FNBP1L: variants seen among roughly 807,000 people sequenced by gnomAD.
FNBP1L encodes the protein formin binding protein 1 like.
FNBP1L carries 36 observed loss-of-function variants against 91.2 expected under a neutral mutation model. The ratio of observed to expected loss-of-function variants is 0.39; its 90% CI spans 0.30 to 0.52. The LOEUF (loss-of-function observed/expected upper bound fraction) is 0.52. FNBP1L is among the 20% of genes least tolerant of loss of function. FNBP1L has a pLI of 0.66. For missense variants in FNBP1L, 571 were observed against 732.1 expected, an observed-to-expected ratio of 0.78 and a Z score of 2.54; for synonymous variants, 242 against 237.0, an observed-to-expected ratio of 1.02 and a Z score of -0.19.
intron 7 of FNBP1L, among the ~76,000 whole-genome samples, chr1:93,531,288 C>A (rs1671670635): frequency 6.6e-6 from 1 of 152,148 alleles, no homozygotes; most frequent in African/African-American, 2.4e-5. Context: ...TATTTGCTAG[C>A]ATGGTTTTTG....
At chr1:93,455,130 A>C (rs1054333994) in intron 1 of FNBP1L, among the ~76,000 whole-genome samples, 1 of 152,032 alleles carries the variant, frequency 6.6e-6, no homozygotes, top group Non-Finnish European at 1.5e-5. Flanking sequence ...GGATTTCCCC[A>C]TGTTATCCAG....
Position 93,547,403 on chromosome 1 carries a change from C to T in FNBP1L, c.1464C>T (p.Ser488=). 3 of 1,561,396 alleles carry T rather than the reference C, an allele frequency of 1.9e-6. No homozygotes were observed. Among genetic ancestry groups the T allele is most frequent in the Non-Finnish European group, 1.7e-6 (2 of 1,151,974 alleles). Residue 488 remains serine, a synonymous_variant, in exon 14 of 17, where the codon AGC becomes AGT. Coordinates refer to ENST00000271234, the MANE Select transcript of FNBP1L (RefSeq NM_001164473.3). ...KTGGRGDRRH[S]SDINHLVTQG... ...GTGGGAGAGGAGACAGAAGACATAGCAGTGACATAAATCATCTTGTAACAC... is the reference window on the plus strand; with the variant it reads ...GTGGGAGAGGAGACAGAAGACATAGTAGTGACATAAATCATCTTGTAACAC...
chr1:93,534,588 G>T (rs1012114878), intron 8 of FNBP1L, 117 bp from the exon 9 acceptor site: 27 of 610,536 alleles, frequency 4.4e-5, no homozygotes, highest in Non-Finnish European at 7.2e-5. Context: ...AATGATTATT[G>T]TGGAATTATT....
intron 1 of FNBP1L, among the ~76,000 whole-genome samples, chr1:93,478,469 C>G (rs1669575098): frequency 6.6e-6 from 1 of 152,116 alleles, no homozygotes; most frequent in South Asian, 2.1e-4. Flanking sequence ...ATGAGGGCAT[C>G]CTGTGCAGGA....
intron 16 of FNBP1L, chr1:93,551,408 G>T (rs541495344): frequency 4.2e-5 from 43 of 1,028,728 alleles, no homozygotes; most frequent in Admixed American, 5.5e-5. Flanking sequence ...CTTACAAATA[G>T]AATTTGATTT....
At chr1:93,490,495 A>G (rs974435143) in intron 1 of FNBP1L, among the ~76,000 whole-genome samples, 2 of 152,222 alleles carry the variant, frequency 1.3e-5, no homozygotes, top group African/African-American at 4.8e-5. Flanking sequence ...ACTGATACAG[A>G]GATTCATTTC....
chr1:93,540,566 T>G (rs1021724664), intron 10 of FNBP1L, among the ~76,000 whole-genome samples: 1 of 152,124 alleles, frequency 6.6e-6, no homozygotes, highest in Non-Finnish European at 1.5e-5. Flanking sequence ...CAAACAGTAC[T>G]TTGAAGTATA....
chr1:93,448,137 A>G lies in FNBP1L; in HGVS notation c.-145A>G. 1.9e-6 allele frequency: 2 copies of G among 1,034,404 alleles called. No individual in the cohort carries two copies. The highest frequency in any genetic ancestry group is 2.8e-6 in the Non-Finnish European group (2 of 724,090). The allele number at this position is 1,034,404 out of a possible 1,614,324, so 64.1% of individuals were successfully genotyped here. ...TTCTCCAGTCGCGTCTTTCTCACTC[A>G]CTGGGGAGCCCGGCGGTGGCGGCAC... On this transcript the variant is annotated 5_prime_UTR_variant, in exon 1 of 17. Transcript: ENST00000271234.
At chr1:93,469,698 A>G (rs773357580) in intron 1 of FNBP1L, among the ~76,000 whole-genome samples, 28 of 152,166 alleles carry the variant, frequency 1.8e-4, no homozygotes, top group Admixed American at 9.2e-4. Flanking sequence ...GGTACTGTTT[A>G]AGAAAAGGAA....
intron 1 of FNBP1L, among the ~76,000 whole-genome samples, chr1:93,482,351 GA>G (rs1316966791): frequency 6.6e-6 from 1 of 151,984 alleles, no homozygotes; most frequent in Non-Finnish European, 1.5e-5. Flanking sequence ...TTAGCAAAAA[GA>G]AATCATTCTT....
intron 1 of FNBP1L, among the ~76,000 whole-genome samples, chr1:93,471,755 G>A (rs1669295888): frequency 6.6e-6 from 1 of 152,148 alleles, no homozygotes; most frequent in African/African-American, 2.4e-5. Flanking sequence ...TTTCTTGCTT[G>A]GGTGAAAATG....
chr1:93,515,629 A>G (rs1239732532), intron 2 of FNBP1L, among the ~76,000 whole-genome samples: 8 of 151,830 alleles, frequency 5.3e-5, no homozygotes, highest in African/African-American at 9.7e-5. Context: ...CATGGATGAA[A>G]TTGGAAATCA....
chr1:93,524,715 A>G (rs543455247), intron 5 of FNBP1L, among the ~76,000 whole-genome samples: 1 of 150,888 alleles, frequency 6.6e-6, no homozygotes, highest in African/African-American at 2.4e-5. Context: ...TTCTTTTTCT[A>G]CCTTTAACTT....
intron 2 of FNBP1L, among the ~76,000 whole-genome samples, chr1:93,502,384 TA>T (rs1189948971): frequency 2.0e-5 from 3 of 152,100 alleles, no homozygotes; most frequent in African/African-American, 4.8e-5. Flanking sequence ...AATTATAAAA[TA>T]AAAATTGATA....
At chr1:93,492,070 G>C (rs572939717) in intron 1 of FNBP1L, among the ~76,000 whole-genome samples, 2 of 152,308 alleles carry the variant, frequency 1.3e-5, no homozygotes, top group South Asian at 4.1e-4. Flanking sequence ...CTAATACATA[G>C]ATATAGTCTA....
intron 1 of FNBP1L, among the ~76,000 whole-genome samples, chr1:93,476,505 A>G (rs1363113707): frequency 6.6e-6 from 1 of 152,232 alleles, no homozygotes; most frequent in Admixed American, 6.5e-5. Flanking sequence ...GAACAAAAAT[A>G]TCCTTATGTT....
Position 93,524,290 on chromosome 1 carries a change from AT to A in FNBP1L, c.373del (p.Tyr125IlefsTer51). On this transcript the variant is annotated frameshift_variant, in exon 5 of 17. Transcript: ENST00000271234. LOFTEE classifies it high-confidence loss of function. ...TGCAAGAAGGACGAAAAGCTCAACA[AT>A]ATCTTGACATGTGCTGGAAACAGAT... The part of the protein sequence containing the change: ...HLQEGRKAQQ[Y>X]LDMCWKQMDN... 6.6e-7 allele frequency: 1 copy of A among 1,512,254 alleles called. No individual in the cohort carries two copies. The allele number at this position is 1,512,254 out of a possible 1,614,324, so 93.7% of individuals were successfully genotyped here. A position where few individuals can be genotyped will look rare whatever the true frequency, so the allele number is the denominator to read the frequency against.
chr1:93,507,778 A>G (rs1415959713), intron 2 of FNBP1L, among the ~76,000 whole-genome samples: 1 of 151,834 alleles, frequency 6.6e-6, no homozygotes, highest in Non-Finnish European at 1.5e-5. Context: ...CCTCCCTAGT[A>G]GCGGGGATTA....
At position 93,530,893 on chromosome 1, in the gene FNBP1L, A is replaced by G; in HGVS notation, c.639+10A>G. The G allele has an allele frequency of 6.6e-7, 1 of 1,521,624 alleles. No individual in the cohort carries two copies. Among genetic ancestry groups the G allele is most frequent in the Non-Finnish European group, 8.9e-7 (1 of 1,129,336 alleles). The allele number at this position is 1,521,624 out of a possible 1,614,324, so 94.3% of individuals were successfully genotyped here. On this transcript the variant is annotated intron_variant, in intron 7 of 16. Coordinates refer to ENST00000271234, the MANE Select transcript of FNBP1L (RefSeq NM_001164473.3). ...TCCTCAGATTTACAAGGTAAATCTTAGATATGAAGTTAATCTAGTTTTAGA... is the reference window on the plus strand; with the variant it reads ...TCCTCAGATTTACAAGGTAAATCTTGGATATGAAGTTAATCTAGTTTTAGA...
Sources: allele counts gnomAD v4.1 joint callset (sites outside exome capture counted in the v4.1 genomes callset), GRCh38; gene constraint gnomAD v4.1.1; transcripts MANE v1.5; gene names NCBI Gene and HGNC (gene_info 2026-07-23, HGNC 2026-07-21).